GABRR1: variants seen among roughly 807,000 people sequenced by gnomAD.
GABRR1 encodes gamma-aminobutyric acid receptor subunit rho-1.
Under a neutral mutation model 55.5 loss-of-function variants are expected in GABRR1, and 59 were observed. That is an observed-to-expected ratio of 1.06 (90% CI 0.86 to 1.32). The LOEUF (loss-of-function observed/expected upper bound fraction) is 1.32. Ranked by LOEUF, GABRR1 falls within the 40% of genes most tolerant of loss-of-function variation. The pLI is 0.00. For missense variants in GABRR1, 602 were observed against 619.1 expected, an observed-to-expected ratio of 0.97 and a Z score of 0.29; for synonymous variants, 213 against 226.0, an observed-to-expected ratio of 0.94 and a Z score of 0.51.
At chr6:89,224,674 A>C (rs538711122) in intron 1 of GABRR1, among the ~76,000 whole-genome samples, 2 of 152,248 alleles carry the variant, frequency 1.3e-5, no homozygotes, top group Admixed American at 6.5e-5. Context: ...TCTTTAGTTT[A>C]AGTCCCACCT....
At chr6:89,201,129 G>A in intron 3 of GABRR1, 30 bp downstream of exon 3, 1 of 1,522,464 alleles carries the variant, frequency 6.6e-7, no homozygotes, top group Non-Finnish European at 9.1e-7. Flanking sequence ...CCAGAAGAAA[G>A]AGGACACCCT....
chr6:89,178,957 T>C lies in GABRR1; in HGVS notation c.1253A>G (p.Glu418Gly), dbSNP rs200078707. ...DLDNYMPENGEKPDRMMVQLT... is the reference protein window; with the variant it reads ...DLDNYMPENGGKPDRMMVQLT... ...CTGCACCATCATCCTGTCGGGCTTC[T>C]CTCCATTCTCTGGCATGTAGTTGTC... is the stretch of plus-strand genomic sequence containing the variant. The change falls in exon 10 of 10, where the codon GAG becomes GGG. Residue 418 changes from glutamate to glycine, a missense_variant. Glu to Gly is a moderately conservative substitution (Grantham distance 98). Coordinates refer to ENST00000454853, the MANE Select transcript of GABRR1 (RefSeq NM_002042.5). 301 of 1,614,192 alleles carry C rather than the reference T, an allele frequency of 1.9e-4. No homozygotes were observed. Among genetic ancestry groups the C allele is most frequent in the Non-Finnish European group, 2.4e-4 (279 of 1,180,028 alleles).
In GABRR1 at chr6:89,178,717, T is replaced by G; in HGVS notation, c.*53A>C. The G allele has an allele frequency of 2.7e-6, 4 of 1,468,358 alleles. No homozygotes were observed. The highest frequency in any genetic ancestry group is 3.8e-6 in the Non-Finnish European group (4 of 1,053,506). The allele number at this position is 1,468,358 out of a possible 1,614,324, so 91.0% of individuals were successfully genotyped here. ...CCTTAAATACTTTTTCATTATACAGTTATTTCTGTAGTGCATGCCATGGAA... is the reference window on the plus strand; with the variant it reads ...CCTTAAATACTTTTTCATTATACAGGTATTTCTGTAGTGCATGCCATGGAA... On this transcript the variant is annotated 3_prime_UTR_variant, in exon 10 of 10. Transcript: ENST00000454853.
In GABRR1 at chr6:89,181,890, T is replaced by C; in HGVS notation, c.949+15A>G. On this transcript the variant is annotated intron_variant, in intron 8 of 9. Transcript: ENST00000454853. ...TTTGCAGATGCTTGGAATATGCACT[T>C]GAGGTATTCCTTACCTAAGGGGACT... 3 of 1,600,496 alleles carry C rather than the reference T, an allele frequency of 1.9e-6. No homozygotes were observed. The highest frequency in any genetic ancestry group is 2.6e-6 in the Non-Finnish European group (3 of 1,173,464).
At chr6:89,180,726 C>T (rs1222946259) in intron 8 of GABRR1, among the ~76,000 whole-genome samples, 1 of 152,176 alleles carries the variant, frequency 6.6e-6, no homozygotes, top group Non-Finnish European at 1.5e-5. Flanking sequence ...GTGTATTCAT[C>T]GTAGCATCTG....
At chr6:89,205,298 G>C (rs1460541421) in intron 1 of GABRR1, among the ~76,000 whole-genome samples, 2 of 152,220 alleles carry the variant, frequency 1.3e-5, no homozygotes, top group Non-Finnish European at 2.9e-5. Flanking sequence ...CCACTGCCAG[G>C]AAATTGGCTT....
At chr6:89,205,031 A>T (rs1375413201) in intron 1 of GABRR1, among the ~76,000 whole-genome samples, 1 of 152,202 alleles carries the variant, frequency 6.6e-6, no homozygotes, top group Non-Finnish European at 1.5e-5. Context: ...AATAATAGGA[A>T]AATCTAACAC....
rs115241533 is a variant in GABRR1, at chr6:89,206,758, G to C, written c.123-3273C>G. 1.8e-3 allele frequency among the ~76,000 whole-genome samples: 274 copies of C among 149,592 alleles called. 4 individuals are homozygous for C. The highest frequency in any genetic ancestry group is 6.4e-3 in the African/African-American group (255 of 40,048). ...AGCCTCCCAAGTAGCTGGGACCACA[G>C]TTGTGTGACACCATGCCCAGCTAAT... On this transcript the variant is annotated intron_variant, in intron 1 of 9. Transcript: ENST00000454853.
At chr6:89,229,307 G>T (rs1773245890) in intron 1 of GABRR1, among the ~76,000 whole-genome samples, 2 of 151,706 alleles carry the variant, frequency 1.3e-5, no homozygotes, top group African/African-American at 4.8e-5. Flanking sequence ...CTGTCATTAT[G>T]ATGTTAGCTG....
intron 1 of GABRR1, among the ~76,000 whole-genome samples, chr6:89,225,509 G>A (rs1419483033): frequency 2.9e-5 from 4 of 136,652 alleles, no homozygotes; most frequent in African/African-American, 1.1e-4. Flanking sequence ...GTGAGAATAT[G>A]CGGTGTTTGG....
At chr6:89,203,940 A>T (rs1426093360) in intron 1 of GABRR1, among the ~76,000 whole-genome samples, 1 of 152,236 alleles carries the variant, frequency 6.6e-6, no homozygotes, top group Non-Finnish European at 1.5e-5. Context: ...GAGGAGGAGG[A>T]GGAAGAAAGA....
chr6:89,193,365 C>T (rs762856395), intron 5 of GABRR1, among the ~76,000 whole-genome samples: 9 of 151,930 alleles, frequency 5.9e-5, no homozygotes, highest in Non-Finnish European at 8.8e-5. Context: ...AAATTCAAAG[C>T]GGTGGTCTTC....
intron 3 of GABRR1, 41 bp from the exon 4 acceptor site, chr6:89,199,470 T>A: frequency 6.3e-7 from 1 of 1,589,994 alleles, no homozygotes; most frequent in East Asian, 2.2e-5. Context: ...TGTTTTTACT[T>A]GAAATTTTAC....
intron 6 of GABRR1, among the ~76,000 whole-genome samples, chr6:89,187,760 T>C (rs1771955453): frequency 6.6e-6 from 1 of 152,246 alleles, no homozygotes; most frequent in Non-Finnish European, 1.5e-5. Context: ...CTTAGCATAA[T>C]GCCCTCAAGT....
chr6:89,181,899 C>T lies in GABRR1; in HGVS notation c.949+6G>A. On this transcript the variant is annotated splice_donor_region_variant and intron_variant, in intron 8 of 9. Transcript: ENST00000454853. ...GCTTGGAATATGCACTTGAGGTATT[C>T]CTTACCTAAGGGGACTCTGGCAGGC... 1.2e-6 allele frequency: 2 copies of T among 1,607,726 alleles called. No homozygotes were observed. Among genetic ancestry groups the T allele is most frequent in the South Asian group, 1.1e-5 (1 of 89,880 alleles).
rs1768766724 is a variant in GABRR1 at position 89,190,312 on chromosome 6, T to C, written c.573-65A>G. The C allele has an allele frequency of 1.2e-5, 13 of 1,125,138 alleles. No homozygotes were observed. The Admixed American group carries it at 2.3e-4, about 20-fold the overall frequency. 69.7% of individuals were successfully genotyped at this position (1,125,138 alleles called of 1,614,324 possible). A position where few individuals can be genotyped will look rare whatever the true frequency, so the allele number is the denominator to read the frequency against. On this transcript the variant is annotated intron_variant, in intron 5 of 9. Coordinates refer to ENST00000454853, the MANE Select transcript of GABRR1 (RefSeq NM_002042.5). ...CAAAAGACGAGTGCAAAATGATAAA[T>C]GGAAAAGGCCTCTGCTTCCTTCCAA...
intron 1 of GABRR1, among the ~76,000 whole-genome samples, chr6:89,209,178 C>T (rs1772744680): frequency 2.0e-5 from 3 of 148,218 alleles, no homozygotes; most frequent in Admixed American, 2.0e-4. Flanking sequence ...CTAGATCATC[C>T]CTTTTTTTTC....
chr6:89,208,289 A>G (rs1256309731), intron 1 of GABRR1, among the ~76,000 whole-genome samples: 1 of 152,236 alleles, frequency 6.6e-6, no homozygotes, highest in Non-Finnish European at 1.5e-5. Flanking sequence ...TAATGAGTTG[A>G]GCATTTTGTA....
intron 1 of GABRR1, among the ~76,000 whole-genome samples, chr6:89,211,924 A>G (rs570141971): frequency 6.6e-6 from 1 of 152,236 alleles, no homozygotes; most frequent in African/African-American, 2.4e-5. Flanking sequence ...TTCATGCCAC[A>G]TGCTGTCTCT....
Sources: gnomAD v4.1 joint callset for allele counts (sites outside exome capture counted in the v4.1 genomes callset) on GRCh38, gnomAD v4.1.1 for gene constraint, MANE v1.5 for transcripts, NCBI Gene and HGNC (gene_info 2026-07-23, HGNC 2026-07-21) for gene names.